TF: variants seen among roughly 807,000 people sequenced by gnomAD.
The protein encoded by TF is serotransferrin.
In TF, 55 loss-of-function variants were observed where a neutral mutation model predicts 82.4. The observed-to-expected ratio is 0.67, with a 90% confidence interval of 0.54 to 0.84. TF has a LOEUF of 0.84. Among genes scored for constraint, TF ranks in the 40% least tolerant of loss-of-function variants. The pLI is 0.00. For missense variants in TF, 737 were observed against 868.4 expected (o/e 0.85, Z 1.90); for synonymous variants, 332 against 332.6 (o/e 1.00, Z 0.02).
At chr3:133,757,161 AC>A in intron 7 of TF, 152 bp downstream of exon 7, 1 of 1,099,728 alleles carries the variant, frequency 9.1e-7, no homozygotes, top group Non-Finnish European at 1.3e-6. Context: ...AAAAGCTGGG[AC>A]TCCCCACAGA....
chr3:133,716,536 C>A, the TF span, among the ~76,000 whole-genome samples: 1 of 152,166 alleles, frequency 6.6e-6, no homozygotes, highest in Non-Finnish European at 1.5e-5. Flanking sequence ...TATCCAGAAT[C>A]GATCTCTCTG....
intron 8 of TF, among the ~76,000 whole-genome samples, chr3:133,758,691 C>A (rs1321248364): frequency 6.6e-6 from 1 of 152,180 alleles, no homozygotes; most frequent in South Asian, 2.1e-4. Context: ...TGAGCTCAGT[C>A]TGAAAGATGA....
At chr3:133,708,496 T>C in the TF span, among the ~76,000 whole-genome samples, 2 of 151,966 alleles carry the variant, frequency 1.3e-5, no homozygotes, top group East Asian at 3.9e-4. Flanking sequence ...TCTACTAGAG[T>C]AACATGAGGG....
the TF span, among the ~76,000 whole-genome samples, chr3:133,666,954 T>C: frequency 8.6e-5 from 13 of 151,732 alleles, no homozygotes; most frequent in African/African-American, 3.1e-4. Context: ...GACAATGGCG[T>C]GAACCTGGGA....
At chr3:133,733,441 C>T in the TF span, among the ~76,000 whole-genome samples, 1 of 152,236 alleles carries the variant, frequency 6.6e-6, no homozygotes, top group Non-Finnish European at 1.5e-5. Context: ...CATTCCTGCA[C>T]ACCTGCCTTT....
the TF span, among the ~76,000 whole-genome samples, chr3:133,662,782 A>G: frequency 6.6e-6 from 1 of 152,198 alleles, no homozygotes; most frequent in African/African-American, 2.4e-5. Flanking sequence ...TAGCCACTAT[A>G]CTAATGAGGA....
At chr3:133,747,867 C>T (rs976908834) in intron 1 of TF, among the ~76,000 whole-genome samples, 1 of 151,934 alleles carries the variant, frequency 6.6e-6, no homozygotes, top group African/African-American at 2.4e-5. Flanking sequence ...GAGTAGCAGA[C>T]CCAGAGTCTG....
the TF span, among the ~76,000 whole-genome samples, chr3:133,719,118 G>A: frequency 6.6e-6 from 1 of 152,164 alleles, no homozygotes; most frequent in East Asian, 1.9e-4. Context: ...CATTTTTCAT[G>A]GGATTAGGGG....
chr3:133,664,093 C>T, the TF span, among the ~76,000 whole-genome samples: 2 of 152,174 alleles, frequency 1.3e-5, no homozygotes, highest in African/African-American at 4.8e-5. Context: ...AATGAAAATT[C>T]TTGGGCTCCA....
chr3:133,754,783 G>C (rs2107914268), intron 4 of TF, 112 bp downstream of exon 4: 2 of 1,213,466 alleles, frequency 1.6e-6, no homozygotes, highest in East Asian at 4.7e-5. Context: ...ACTCAGGTGG[G>C]GGAAAGAGGT....
At chr3:133,737,065 G>A in the TF span, among the ~76,000 whole-genome samples, 4 of 151,978 alleles carry the variant, frequency 2.6e-5, no homozygotes, top group Non-Finnish European at 5.9e-5. Context: ...ACACATAATC[G>A]AAAGTAAAAC....
the TF span, among the ~76,000 whole-genome samples, chr3:133,686,803 T>C: frequency 1.9e-4 from 27 of 143,692 alleles, no homozygotes; most frequent in African/African-American, 6.0e-4. Flanking sequence ...CTCAAGGATA[T>C]AGAACTAGAA....
chr3:133,767,566 C>G (rs1485437648), intron 12 of TF, among the ~76,000 whole-genome samples: 1 of 152,206 alleles, frequency 6.6e-6, no homozygotes, highest in East Asian at 1.9e-4. Flanking sequence ...CCTCCTAGCA[C>G]TTTTATGGCC....
chr3:133,684,974 A>AATCCAGCAGCAC, the TF span, among the ~76,000 whole-genome samples: 1 of 152,226 alleles, frequency 6.6e-6, no homozygotes, highest in African/African-American at 2.4e-5. Flanking sequence ...TGGCAAACCA[A>AATCCAGCAGCAC]ATCCAGCAGC....
In TF at chr3:133,788,455, TAAA is replaced by T. The variant is rs2107949226; in HGVS notation, c.*9836_*9838del. On this transcript the variant is annotated 3_prime_UTR_variant, in exon 17 of 17. Coordinates refer to ENST00000402696, the MANE Select transcript of TF (RefSeq NM_001063.4). ...CCCTGTGGAGCGTACTTTCATTTCA[TAAA>T]TCTCTGCTTTTGTTGTTTCATTCTT... 6.6e-6 allele frequency: 1 copy of T among 152,378 alleles called. No homozygotes were observed. The highest frequency in any genetic ancestry group is 1.9e-4 in the East Asian group (1 of 5,186). 9.4% of individuals were successfully genotyped at this position (152,378 alleles called of 1,614,324 possible).
intron 8 of TF, 29 bp downstream of exon 8, chr3:133,757,975 A>C (rs200174836): frequency 7.0e-5 from 113 of 1,612,420 alleles, no homozygotes; most frequent in Non-Finnish European, 3.9e-5. Context: ...CCAGGTGACC[A>C]CAAGCACTTG....
Position 133,768,191 on chromosome 3 carries a change from A to G in TF, c.1622+27A>G, listed in dbSNP as rs369513242. On this transcript the variant is annotated intron_variant, in intron 13 of 16. Transcript: ENST00000402696. ...TGAGTCTTTTAACCCTGAAACAAAT[A>G]GAATAATATACAAGCCCTGGCCAGA... 8 of 1,613,834 alleles carry G rather than the reference A, an allele frequency of 5.0e-6. No individual in the cohort carries two copies. In the African/African-American group the frequency reaches 9.3e-5, roughly 19 times the overall value.
At chr3:133,724,476 A>C in the TF span, among the ~76,000 whole-genome samples, 1 of 151,940 alleles carries the variant, frequency 6.6e-6, no homozygotes, top group African/African-American at 2.4e-5. Flanking sequence ...GTCTGTTCAT[A>C]TCCTTTGCCC....
chr3:133,770,730 C>A, intron 14 of TF, 158 bp downstream of exon 14: 1 of 896,098 alleles, frequency 1.1e-6, no homozygotes, highest in Non-Finnish European at 1.8e-6. Flanking sequence ...GACATGTTCA[C>A]CTGAGTGCGC....
Sources: gnomAD v4.1 joint callset for allele counts (sites outside exome capture counted in the v4.1 genomes callset) on GRCh38, gnomAD v4.1.1 for gene constraint, MANE v1.5 for transcripts, NCBI Gene and HGNC (gene_info 2026-07-23, HGNC 2026-07-21) for gene names.